The following TMEM178B variants were observed in gnomAD, a reference collection of about 807,000 sequenced individuals.
TMEM178B encodes the protein transmembrane protein 178B.
TMEM178B carries 5 observed loss-of-function variants against 31.0 expected under a neutral mutation model. The ratio of observed to expected loss-of-function variants is 0.16; its 90% CI spans 0.08 to 0.34. The LOEUF (loss-of-function observed/expected upper bound fraction) is 0.34. Ranked by LOEUF, TMEM178B falls within the 10% of genes least tolerant of loss-of-function variation. The pLI, the probability that TMEM178B is intolerant of heterozygous loss-of-function variation, is 1.00. For synonymous variants in TMEM178B, 164 were observed against 164.0 expected, an observed-to-expected ratio of 1.00 and a Z score of 0.00; for missense variants, 275 against 400.3, an observed-to-expected ratio of 0.69 and a Z score of 2.67.
At chr7:141,501,141 A>T in the TMEM178B span, among the ~76,000 whole-genome samples, 2 of 152,176 alleles carry the variant, frequency 1.3e-5, no homozygotes, top group South Asian at 4.2e-4. Context: ...ATTTGCATTT[A>T]GGAAGTTCAC....
At chr7:141,216,476 G>GTAT (rs1563120779) in intron 2 of TMEM178B, among the ~76,000 whole-genome samples, 1 of 102,768 alleles carries the variant, frequency 9.7e-6, no homozygotes. Context: ...TGTGTGTGTG[G>GTAT]GTGTGTGGTG....
chr7:141,123,832 AG>A (rs1795446843), intron 1 of TMEM178B, among the ~76,000 whole-genome samples: 3 of 152,120 alleles, frequency 2.0e-5, no homozygotes. Flanking sequence ...GGCTCACTGC[AG>A]CCTTGACCTC....
At chr7:141,179,324 G>C (rs548243775) in intron 1 of TMEM178B, among the ~76,000 whole-genome samples, 109 of 152,316 alleles carry the variant, frequency 7.2e-4, no homozygotes, top group African/African-American at 2.5e-3. Context: ...AGGCAAAGTA[G>C]TGGCAGCATT....
chr7:141,349,299 A>G (rs10227061), intron 2 of TMEM178B, among the ~76,000 whole-genome samples: 26,360 of 152,222 alleles, frequency 0.17, 2,440 homozygotes, highest in Admixed American at 0.23. Context: ...ATGTATATTT[A>G]TATGCACATT....
At chr7:141,273,690 A>G (rs889954058) in intron 2 of TMEM178B, among the ~76,000 whole-genome samples, 1 of 152,140 alleles carries the variant, frequency 6.6e-6, no homozygotes, top group Non-Finnish European at 1.5e-5. Context: ...TTATTCTCTC[A>G]TTGCCTCCAG....
chr7:141,403,749 C>G (rs1445306570), intron 2 of TMEM178B, among the ~76,000 whole-genome samples: 1 of 152,200 alleles, frequency 6.6e-6, no homozygotes, highest in African/African-American at 2.4e-5. Context: ...ACAGAAAATT[C>G]CTGTCCCTGG....
chr7:141,509,977 C>T, the TMEM178B span, among the ~76,000 whole-genome samples: 1 of 152,214 alleles, frequency 6.6e-6, no homozygotes, highest in Non-Finnish European at 1.5e-5. Flanking sequence ...AGCTCAGCTC[C>T]ACAGCCTTCC....
intron 2 of TMEM178B, among the ~76,000 whole-genome samples, chr7:141,240,106 C>A (rs1797595316): frequency 6.6e-6 from 1 of 152,072 alleles, no homozygotes; most frequent in Admixed American, 6.5e-5. Flanking sequence ...TAATTTTATA[C>A]TATGGTGCAT....
At chr7:141,218,791 C>T (rs1426252580) in intron 2 of TMEM178B, among the ~76,000 whole-genome samples, 4 of 152,144 alleles carry the variant, frequency 2.6e-5, no homozygotes, top group African/African-American at 9.7e-5. Context: ...TCCCCACTGG[C>T]ATCAACCTTC....
chr7:141,260,770 G>C (rs185644924), intron 2 of TMEM178B, among the ~76,000 whole-genome samples: 1 of 152,204 alleles, frequency 6.6e-6, no homozygotes, highest in East Asian at 1.9e-4. Context: ...ATACAGAGTA[G>C]AAAACAAAAT....
chr7:141,472,444 C>T lies in TMEM178B; in HGVS notation c.*1658C>T, dbSNP rs998593007. Reference sequence around the variant, plus strand: ...GCAGGTGCTGGCAAGCAAAGTCAGCCAGAGAGTTGTGAACGCTGTAGGGGT... The same window carrying T: ...GCAGGTGCTGGCAAGCAAAGTCAGCTAGAGAGTTGTGAACGCTGTAGGGGT... On this transcript the variant is annotated 3_prime_UTR_variant, in exon 4 of 4. Transcript: ENST00000565468. The T allele has an allele frequency of 1.3e-5, 2 of 152,128 alleles. No individual in the cohort carries two copies. The highest frequency in any genetic ancestry group is 2.9e-5 in the Non-Finnish European group (2 of 68,056). The allele number at this position is 152,128 out of a possible 1,614,324, so 9.4% of individuals were successfully genotyped here. A position where few individuals can be genotyped will look rare whatever the true frequency, so the allele number is the denominator to read the frequency against.
intron 1 of TMEM178B, among the ~76,000 whole-genome samples, chr7:141,129,974 A>G (rs1049108724): frequency 3.9e-5 from 6 of 152,202 alleles, no homozygotes; most frequent in African/African-American, 1.4e-4. Context: ...ATGGAGACCA[A>G]GTTTCTTTTG....
At chr7:141,180,089 T>C (rs1796496600) in intron 1 of TMEM178B, among the ~76,000 whole-genome samples, 1 of 152,070 alleles carries the variant, frequency 6.6e-6, no homozygotes, top group Non-Finnish European at 1.5e-5. Flanking sequence ...CGTGACACAG[T>C]ATAGAGAGAA....
At chr7:141,480,757 G>C (rs939300367), downstream of TMEM178B, among the ~76,000 whole-genome samples, 1 of 152,188 alleles carries the variant, frequency 6.6e-6, no homozygotes, top group African/African-American at 2.4e-5. Context: ...CCAGTGAAGA[G>C]AGAAATTTCT....
At chr7:141,327,360 A>G (rs749083888) in intron 2 of TMEM178B, among the ~76,000 whole-genome samples, 3 of 152,236 alleles carry the variant, frequency 2.0e-5, no homozygotes, top group Non-Finnish European at 2.9e-5. Context: ...AAAACTGAGC[A>G]GAAGGAACAG....
Position 141,477,422 on chromosome 7 carries a change from GT to G in TMEM178B, c.*6643del, listed in dbSNP as rs1418618903. ...GGGAGGGATACCATTGACACAGGAG[GT>G]TTTTTTCTGGTTGTTTCTCTCACAG... is the stretch of plus-strand genomic sequence containing the variant. On this transcript the variant is annotated 3_prime_UTR_variant, in exon 4 of 4. Coordinates refer to ENST00000565468, the MANE Select transcript of TMEM178B (RefSeq NM_001195278.2). The G allele has an allele frequency of 6.6e-6, 1 of 152,244 alleles. No individual in the cohort carries two copies. Among genetic ancestry groups the G allele is most frequent in the African/African-American group, 2.4e-5 (1 of 41,414 alleles). The allele number at this position is 152,244 out of a possible 1,614,324, so 9.4% of individuals were successfully genotyped here.
intron 1 of TMEM178B, among the ~76,000 whole-genome samples, chr7:141,106,853 G>A (rs1304219566): frequency 6.6e-6 from 1 of 152,110 alleles, no homozygotes; most frequent in African/African-American, 2.4e-5. Flanking sequence ...CACTGTTCTA[G>A]GCATCCAAAA....
chr7:141,204,948 GTA>G (rs1377940978), intron 1 of TMEM178B, among the ~76,000 whole-genome samples: 1 of 151,988 alleles, frequency 6.6e-6, no homozygotes, highest in Non-Finnish European at 1.5e-5. Context: ...AGCCTTTTGA[GTA>G]GCTAAGACCA....
At chr7:141,248,968 G>A (rs1003140083) in intron 2 of TMEM178B, among the ~76,000 whole-genome samples, 3 of 152,238 alleles carry the variant, frequency 2.0e-5, no homozygotes, top group Non-Finnish European at 4.4e-5. Context: ...TGCGTGCTCA[G>A]AGCTGGGTCT....
Sources: gnomAD v4.1 joint callset for allele counts (sites outside exome capture counted in the v4.1 genomes callset) on GRCh38, gnomAD v4.1.1 for gene constraint, MANE v1.5 for transcripts, NCBI Gene and HGNC (gene_info 2026-07-23, HGNC 2026-07-21) for gene names.